TCOF1: variants seen among roughly 807,000 people sequenced by gnomAD.
The protein encoded by TCOF1 is treacle ribosome biogenesis factor 1, also known as treacle protein.
A neutral mutation model predicts 149.0 loss-of-function variants in TCOF1; 33 were observed. The observed-to-expected ratio is 0.22, with a 90% CI of 0.17 to 0.30. The LOEUF (loss-of-function observed/expected upper bound fraction) is 0.30, where lower values mean the gene tolerates loss of function less well. Among genes scored for constraint, TCOF1 ranks in the 10% least tolerant of loss-of-function variants. The pLI is 1.00. For synonymous variants in TCOF1, 789 were observed against 738.8 expected (o/e 1.07, Z -1.10); for missense variants, 1,728 against 1,840.7 (o/e 0.94, Z 1.12).
At chr5:150,369,455 G>A in intron 5 of TCOF1, 74 bp from the exon 6 acceptor site, 1 of 1,565,462 alleles carries the variant, frequency 6.4e-7, no homozygotes, top group Non-Finnish European at 8.8e-7. Context: ...CAGCTGGTTT[G>A]TGGGGAGGTG....
intron 2 of TCOF1, among the ~76,000 whole-genome samples, chr5:150,362,160 G>A (rs1200679618): frequency 3.9e-5 from 6 of 152,202 alleles, no homozygotes; most frequent in Non-Finnish European, 7.3e-5. Context: ...CATGCATAGA[G>A]CTTGAAGGGA....
rs1460480174 is a variant in TCOF1 at position 150,388,014 on chromosome 5, A to G, written c.2972A>G (p.Glu991Gly). The G allele has an allele frequency of 6.2e-7, 1 of 1,613,866 alleles. No homozygotes were observed. Among genetic ancestry groups the G allele is most frequent in the East Asian group, 2.2e-5 (1 of 44,870 alleles). ...ACCCCGAGGAAGGCCCGAGCCTCGG[A>G]GAGCACAGCCAGGAGCTCCTCCTCC... ...ASTPRKARAS[E>G]STARSSSSES... Residue 991 changes from glutamate to glycine, a missense_variant, in exon 18 of 27, where the codon GAG (glutamate) becomes GGG (glycine). Physicochemically the swap from Glu to Gly is moderately conservative, Grantham distance 98 (BLOSUM62 -2). Coordinates refer to ENST00000643257, the MANE Select transcript of TCOF1 (RefSeq NM_001371623.1).
chr5:150,398,145 C>T (rs1768964423), intron 24 of TCOF1, among the ~76,000 whole-genome samples: 1 of 152,188 alleles, frequency 6.6e-6, no homozygotes, highest in South Asian at 2.1e-4. Context: ...TGGTCTTGAA[C>T]TCCTGGGCTT....
intron 17 of TCOF1, among the ~76,000 whole-genome samples, chr5:150,386,311 C>A (rs1050040719): frequency 6.6e-6 from 1 of 152,242 alleles, no homozygotes; most frequent in Non-Finnish European, 1.5e-5. Context: ...TCGTCCCCGA[C>A]AATCTGTTCC....
chr5:150,377,401 G>T (rs1444796635), intron 14 of TCOF1, among the ~76,000 whole-genome samples: 1 of 152,208 alleles, frequency 6.6e-6, no homozygotes, highest in Non-Finnish European at 1.5e-5. Context: ...CTGTCACCCT[G>T]ACGATGGGCC....
At position 150,379,275 on chromosome 5, in the gene TCOF1, G is replaced by C. The variant is rs773323036; in HGVS notation, c.2525G>C (p.Arg842Thr). 1 of 1,614,228 alleles carries C rather than the reference G, an allele frequency of 6.2e-7. No homozygotes were observed. The highest frequency in any genetic ancestry group is 1.1e-5 in the South Asian group (1 of 91,084). ...CCCCAGAACAGTACCGTCTTGGCGAGGGGCCCAGCATCTGTGCCATCTGTG... is the reference window on the plus strand; with the variant it reads ...CCCCAGAACAGTACCGTCTTGGCGACGGGCCCAGCATCTGTGCCATCTGTG... ...RNPQNSTVLA[R>T]GPASVPSVGK... Residue 842 changes from arginine (R) to threonine (T), a missense_variant, in exon 16 of 27, where the codon AGG becomes ACG. Transcript: ENST00000643257.
chr5:150,370,801 T>A (rs1173724663), intron 6 of TCOF1, among the ~76,000 whole-genome samples: 3 of 152,144 alleles, frequency 2.0e-5, no homozygotes, highest in African/African-American at 7.2e-5. Flanking sequence ...ACCCTGTCTC[T>A]ACAAGATGTT....
At chr5:150,385,004 A>G (rs1765987267) in intron 17 of TCOF1, 1 of 985,414 alleles carries the variant, frequency 1.0e-6, no homozygotes, top group Non-Finnish European at 1.2e-6. Context: ...CCTGTTGTGC[A>G]GAGTAGACCT....
Position 150,366,041 on chromosome 5 carries a change from G to T in TCOF1, c.304+1789G>T, listed in dbSNP as rs1761271784. Among the ~76,000 whole-genome samples the T allele has an allele frequency of 5.3e-5, 8 of 151,336 alleles. No individual in the cohort carries two copies. The South Asian group carries it at 1.7e-3, about 32-fold the overall frequency. On this transcript the variant is annotated intron_variant, in intron 3 of 26. Transcript: ENST00000643257. Reference sequence around the variant, plus strand: ...GAGGCCTGAGGTGGGAGGATTACTTGAGCCCAGGAGGTCAAGGCTACAGTG... The same window carrying T: ...GAGGCCTGAGGTGGGAGGATTACTTTAGCCCAGGAGGTCAAGGCTACAGTG...
chr5:150,398,285 C>T, intron 24 of TCOF1, 69 bp from the exon 25 acceptor site: 3 of 1,606,474 alleles, frequency 1.9e-6, no homozygotes, highest in African/African-American at 2.7e-5. Context: ...CCCTGTGCAC[C>T]TCCCAACATT....
At position 150,379,362 on chromosome 5, in the gene TCOF1, G is replaced by A; in HGVS notation, c.2612G>A (p.Ser871Asn). ...QTGPEEDSGS[S>N]EEESDSEEEA... Reference sequence around the variant, plus strand: ...GGGCCAGAGGAGGACTCAGGGAGCAGTGAGGAGGAGTCAGACAGTGAGGAG... The same window carrying A: ...GGGCCAGAGGAGGACTCAGGGAGCAATGAGGAGGAGTCAGACAGTGAGGAG... The change falls in exon 16 of 27, where the codon AGT (serine) becomes AAT (asparagine). Residue 871 changes from serine to asparagine, a missense_variant. Physicochemically the swap from Ser to Asn is conservative, Grantham distance 46 (BLOSUM62 1). Transcript: ENST00000643257. 1 of 1,614,138 alleles carries A rather than the reference G, an allele frequency of 6.2e-7. No individual in the cohort carries two copies. The highest frequency in any genetic ancestry group is 8.5e-7 in the Non-Finnish European group (1 of 1,180,004).
intron 6 of TCOF1, among the ~76,000 whole-genome samples, chr5:150,370,706 C>T (rs1018038754): frequency 1.3e-5 from 2 of 152,152 alleles, no homozygotes; most frequent in Non-Finnish European, 2.9e-5. Context: ...GTGGCTCGCA[C>T]CTGTAAGTGC....
In TCOF1 at chr5:150,400,040, A is replaced by G. The variant is rs1340170024; in HGVS notation, c.*253A>G. 1 of 152,224 alleles carries G rather than the reference A, an allele frequency of 6.6e-6. No homozygotes were observed. Among genetic ancestry groups the G allele is most frequent in the Non-Finnish European group, 1.5e-5 (1 of 68,126 alleles). 9.4% of individuals were successfully genotyped at this position (152,224 alleles called of 1,614,324 possible). A position where few individuals can be genotyped will look rare whatever the true frequency, so the allele number is the denominator to read the frequency against. On this transcript the variant is annotated 3_prime_UTR_variant, in exon 27 of 27. Coordinates refer to ENST00000643257, the MANE Select transcript of TCOF1 (RefSeq NM_001371623.1). ...ACTCCCCCAACACAGGACGCTTCAT[A>G]TAGATGTGTACAGTATATGTATTTT...
In TCOF1 at chr5:150,389,830, C is replaced by T. The variant is rs1767042773; in HGVS notation, c.3047-57C>T. 5 of 1,613,558 alleles carry T rather than the reference C, an allele frequency of 3.1e-6. No individual in the cohort carries two copies. The South Asian group carries it at 5.5e-5, about 18-fold the overall frequency. The stretch of plus-strand genomic sequence containing the variant: ...CCGGTAAATTGGGTTATTGCCGCTG[C>T]TGAGGAGGCGATGGGGCTTTTGTGC... On this transcript the variant is annotated intron_variant, in intron 18 of 26. Transcript: ENST00000643257.
At chr5:150,374,466 G>T in intron 8 of TCOF1, 80 bp downstream of exon 8, 2 of 1,549,352 alleles carry the variant, frequency 1.3e-6, no homozygotes, top group Non-Finnish European at 1.7e-6. Flanking sequence ...CCCACTCTGG[G>T]CCAGAGCCCC....
intron 24 of TCOF1, 27 bp from the exon 25 acceptor site, chr5:150,398,316 CCATCTGTTGTT>C (rs1243374523): frequency 1.2e-5 from 20 of 1,612,096 alleles, no homozygotes; most frequent in Non-Finnish European, 1.7e-5. Flanking sequence ...CTTAGGATTA[CCATCTGTTGTT>C]CAGGAACTTT....
chr5:150,370,799 T>G (rs972545474), intron 6 of TCOF1, among the ~76,000 whole-genome samples: 3 of 152,146 alleles, frequency 2.0e-5, no homozygotes, highest in African/African-American at 7.2e-5. Context: ...AAACCCTGTC[T>G]CTACAAGATG....
chr5:150,387,713 G>A (rs919283334), intron 17 of TCOF1, among the ~76,000 whole-genome samples, 189 bp from the exon 18 acceptor site: 1 of 152,180 alleles, frequency 6.6e-6, no homozygotes, highest in Admixed American at 6.5e-5. Flanking sequence ...GTTGTGAAGT[G>A]CTGTGCTGGG....
rs1427039418 is a variant in TCOF1 at position 150,366,812 on chromosome 5, G to A, written c.305-1032G>A. On this transcript the variant is annotated intron_variant, in intron 3 of 26. Transcript: ENST00000643257. ...TGGGACTACAGGCGCCCGCCACCGC[G>A]CCCGGCTAATTTTTTGTATTTTTAG... Among the ~76,000 whole-genome samples, 5 of 58,516 alleles carry A rather than the reference G, an allele frequency of 8.5e-5. 2 individuals carry two copies. The highest frequency in any genetic ancestry group is 1.6e-4 in the Non-Finnish European group (5 of 31,074). 38.4% of individuals were successfully genotyped at this position (58,516 alleles called of 152,430 possible).
Sources: gnomAD v4.1 joint callset for allele counts (sites outside exome capture counted in the v4.1 genomes callset) on GRCh38, gnomAD v4.1.1 for gene constraint, MANE v1.5 for transcripts, NCBI Gene and HGNC (gene_info 2026-07-23, HGNC 2026-07-21) for gene names.